Variants in DDX60L observed in about 807,000 individuals in gnomAD.
DDX60L encodes the protein DExD/H-box 60 like, also known as probable ATP-dependent RNA helicase DDX60-like.
In DDX60L, 191 loss-of-function variants were observed where a neutral mutation model predicts 211.6. The observed-to-expected ratio is 0.90, with a 90% CI of 0.80 to 1.02. DDX60L has a LOEUF of 1.02. Among genes scored for constraint, DDX60L ranks in the 50% least tolerant of loss-of-function variants. DDX60L has a pLI of 0.00. For missense variants in DDX60L, 2,007 were observed against 1,984.1 expected (o/e 1.01, Z -0.22); for synonymous variants, 706 against 694.1 (o/e 1.02, Z -0.27).
intron 36 of DDX60L, among the ~76,000 whole-genome samples, chr4:168,362,594 T>G (rs1275157611): frequency 1.3e-5 from 2 of 152,042 alleles, no homozygotes; most frequent in African/African-American, 4.8e-5. Context: ...ACCAAAACCA[T>G]ACCACCAACA....
At chr4:168,466,858 G>A (rs1004074132) in intron 4 of DDX60L, among the ~76,000 whole-genome samples, 1 of 152,182 alleles carries the variant, frequency 6.6e-6, no homozygotes, top group Non-Finnish European at 1.5e-5. Context: ...GAAAGCAGCA[G>A]ATAATCAAAG....
At chr4:168,459,835 A>AGGAAGGAAGGAAG (rs1757089783) in intron 5 of DDX60L, among the ~76,000 whole-genome samples, 1 of 112,134 alleles carries the variant, frequency 8.9e-6, no homozygotes, top group East Asian at 3.0e-4. Context: ...GAGGGAGGGA[A>AGGAAGGAAGGAAG]GGAGGGAAGG....
chr4:168,402,098 G>A (rs965077863), intron 25 of DDX60L, among the ~76,000 whole-genome samples: 2 of 150,702 alleles, frequency 1.3e-5, no homozygotes, highest in Non-Finnish European at 2.9e-5. Flanking sequence ...ATTAGAACCC[G>A]GGCAACTCAG....
intron 4 of DDX60L, among the ~76,000 whole-genome samples, chr4:168,465,381 C>A (rs965997043): frequency 6.6e-6 from 1 of 152,050 alleles, no homozygotes. Flanking sequence ...GAGTTCCCTG[C>A]ATATCCTGGA....
chr4:168,441,056 C>T lies in DDX60L; in HGVS notation c.1294+281G>A, dbSNP rs147591127. Among the ~76,000 whole-genome samples, 239 of 152,082 alleles carry T rather than the reference C, an allele frequency of 1.6e-3. 2 individuals are homozygous for T. The highest frequency in any genetic ancestry group is 5.0e-3 in the African/African-American group (209 of 41,454). On this transcript the variant is annotated intron_variant, in intron 10 of 37. Coordinates refer to ENST00000682922, the MANE Select transcript of DDX60L (RefSeq NM_001012967.3). ...GGGGAGGATGGATTGGGAAGTGGCC[C>T]GAGGAACTTTCTCTTGAGGTGCTGG...
chr4:168,378,271 A>AT, intron 33 of DDX60L, 83 bp downstream of exon 33: 1 of 743,980 alleles, frequency 1.3e-6, no homozygotes, highest in East Asian at 3.1e-5. Context: ...TATTAATTTA[A>AT]CCCTATAGGT....
At position 168,371,713 on chromosome 4, in the gene DDX60L, C is replaced by T; in HGVS notation, c.4827G>A (p.Trp1609Ter). 2 of 1,611,976 alleles carry T rather than the reference C, an allele frequency of 1.2e-6. No individual in the cohort carries two copies. Among genetic ancestry groups the T allele is most frequent in the Non-Finnish European group, 1.7e-6 (2 of 1,178,724 alleles). Residue 1609 changes from tryptophan to a stop codon, truncating the protein, a stop_gained, in exon 36 of 38, where the codon TGG (tryptophan) becomes TGA (stop). Transcript: ENST00000682922. LOFTEE classifies it high-confidence loss of function. ...TTCCTCGGTTATCTAATTTCCATGG[C>T]CACAGCAGAGGAGCCTGAGTGCCAC... ...GVSGTQAPLL[W>*]PWKLDNRGRR... is the part of the protein sequence containing the mutation.
intron 35 of DDX60L, among the ~76,000 whole-genome samples, chr4:168,372,295 A>T (rs374775725): frequency 1.3e-5 from 2 of 152,130 alleles, no homozygotes; most frequent in Non-Finnish European, 2.9e-5. Context: ...AATGAAGAGA[A>T]GCAAAACAAA....
intron 36 of DDX60L, among the ~76,000 whole-genome samples, chr4:168,369,045 T>A (rs1268425396): frequency 6.6e-6 from 1 of 152,148 alleles, no homozygotes; most frequent in African/African-American, 2.4e-5. Context: ...GAGTTAAGAC[T>A]CTGGGGGACT....
Position 168,433,124 on chromosome 4 carries a change from A to T in DDX60L, c.1295-9T>A. On this transcript the variant is annotated splice_polypyrimidine_tract_variant and intron_variant, in intron 10 of 37. Coordinates refer to ENST00000682922, the MANE Select transcript of DDX60L (RefSeq NM_001012967.3). The stretch of plus-strand genomic sequence containing the variant: ...CTTTTCCAAGGAGATTTCTGAAAAC[A>T]AATATAAATTTAAGATGAGAGGAAA... 1 of 1,572,708 alleles carries T rather than the reference A, an allele frequency of 6.4e-7. No individual in the cohort carries two copies. The highest frequency in any genetic ancestry group is 1.3e-5 in the African/African-American group (1 of 74,228).
At chr4:168,362,257 G>A (rs1002754667) in intron 36 of DDX60L, among the ~76,000 whole-genome samples, 5 of 152,156 alleles carry the variant, frequency 3.3e-5, no homozygotes, top group Non-Finnish European at 7.3e-5. Context: ...ACCTTCCCAG[G>A]GACACTGCCA....
intron 32 of DDX60L, 120 bp downstream of exon 32, chr4:168,379,243 T>G: frequency 1.1e-6 from 1 of 887,604 alleles, no homozygotes; most frequent in South Asian, 2.6e-5. Context: ...GAACATATAC[T>G]TAGTATTTAT....
chr4:168,394,369 T>G, intron 28 of DDX60L, 96 bp downstream of exon 28: 62 of 940,342 alleles, frequency 6.6e-5, no homozygotes, highest in African/African-American at 8.3e-5. Flanking sequence ...ACTGGTTAGA[T>G]GAGAAAACCA....
chr4:168,413,676 T>C (rs1010111073), intron 22 of DDX60L, among the ~76,000 whole-genome samples: 3 of 151,632 alleles, frequency 2.0e-5, no homozygotes, highest in Admixed American at 6.6e-5. Context: ...TGAAAATATA[T>C]AGTCAAAAGA....
intron 26 of DDX60L, among the ~76,000 whole-genome samples, chr4:168,399,116 C>G (rs1746334871): frequency 6.6e-6 from 1 of 152,212 alleles, no homozygotes; most frequent in South Asian, 2.1e-4. Context: ...TGTCTGTGTA[C>G]CTCATTCTTC....
chr4:168,407,429 T>A (rs375268041), intron 22 of DDX60L, among the ~76,000 whole-genome samples: 1 of 152,226 alleles, frequency 6.6e-6, no homozygotes, highest in South Asian at 2.1e-4. Context: ...TCTATACTCT[T>A]TTGGCTTCAA....
intron 29 of DDX60L, among the ~76,000 whole-genome samples, chr4:168,389,313 T>C (rs1479413694): frequency 2.6e-5 from 4 of 152,272 alleles, no homozygotes; most frequent in East Asian, 1.9e-4. Flanking sequence ...TTTTGAAAGA[T>C]AGAAAATGGA....
At chr4:168,407,069 C>CA (rs925230510) in intron 22 of DDX60L, among the ~76,000 whole-genome samples, 3 of 152,068 alleles carry the variant, frequency 2.0e-5, no homozygotes, top group Admixed American at 6.5e-5. Context: ...TCAGTTTAGA[C>CA]AAAAAATATA....
At chr4:168,362,559 T>A (rs1267470852) in intron 36 of DDX60L, among the ~76,000 whole-genome samples, 1 of 152,072 alleles carries the variant, frequency 6.6e-6, no homozygotes, top group East Asian at 1.9e-4. Flanking sequence ...CTGCCCCAAA[T>A]AACCAGCTCA....
Sources: allele counts gnomAD v4.1 joint callset (sites outside exome capture counted in the v4.1 genomes callset), GRCh38; gene constraint gnomAD v4.1.1; transcripts MANE v1.5; gene names NCBI Gene and HGNC (gene_info 2026-07-23, HGNC 2026-07-21).